The following VTI1A variants were observed in gnomAD, a reference collection of about 807,000 sequenced individuals.
VTI1A encodes vesicle transport through interaction with t-SNAREs 1A.
Under a neutral mutation model 34.9 loss-of-function variants are expected in VTI1A, and 22 were observed. That is an observed-to-expected ratio of 0.63 (90% CI 0.45 to 0.90). The LOEUF (loss-of-function observed/expected upper bound fraction) is 0.90. VTI1A is among the 40% of genes least tolerant of loss of function. The probability of loss-of-function intolerance (pLI) is 0.00; values close to 1 mark genes in which losing one functional copy is unlikely to be tolerated. For missense variants in VTI1A, 268 were observed against 275.6 expected (o/e 0.97, Z 0.20); for synonymous variants, 87 against 97.3 (o/e 0.89, Z 0.62).
At chr10:112,756,347 G>T (rs1046588131) in intron 7 of VTI1A, among the ~76,000 whole-genome samples, 2 of 152,152 alleles carry the variant, frequency 1.3e-5, no homozygotes, top group Non-Finnish European at 2.9e-5. Context: ...CTACCTAGTT[G>T]CCTCTCTCAG....
At chr10:112,801,628 G>A (rs561717556) in intron 7 of VTI1A, among the ~76,000 whole-genome samples, 25 of 152,228 alleles carry the variant, frequency 1.6e-4, no homozygotes, top group African/African-American at 2.6e-4. Flanking sequence ...TCTTTCTATA[G>A]TGTATCCCCT....
intron 7 of VTI1A, among the ~76,000 whole-genome samples, chr10:112,788,741 C>T (rs930060697): frequency 6.6e-5 from 10 of 151,922 alleles, no homozygotes; most frequent in Non-Finnish European, 1.5e-4. Context: ...TCTTTTTGTT[C>T]CTGTTTCTGC....
the VTI1A span, among the ~76,000 whole-genome samples, chr10:112,837,005 G>C: frequency 3.9e-5 from 6 of 152,240 alleles, no homozygotes; most frequent in African/African-American, 1.4e-4. Context: ...AATAGTGCAG[G>C]AGAAGGAGTC....
intron 3 of VTI1A, among the ~76,000 whole-genome samples, chr10:112,511,706 CCCT>C (rs1233559813): frequency 2.6e-5 from 4 of 152,076 alleles, no homozygotes; most frequent in Admixed American, 6.6e-5. Flanking sequence ...TCTTCATCCT[CCCT>C]CCTCCTCCTC....
chr10:112,758,045 T>G (rs1411969091), intron 7 of VTI1A, among the ~76,000 whole-genome samples: 1 of 152,220 alleles, frequency 6.6e-6, no homozygotes, highest in Non-Finnish European at 1.5e-5. Flanking sequence ...GTATTGTCAT[T>G]TATTTCAATC....
chr10:112,675,661 G>A (rs776983083), intron 7 of VTI1A, among the ~76,000 whole-genome samples: 52 of 152,028 alleles, frequency 3.4e-4, no homozygotes, highest in Non-Finnish European at 3.4e-4. Flanking sequence ...CCTTACCTCC[G>A]GAATTTGACA....
At chr10:112,684,042 C>CA (rs1451540918) in intron 7 of VTI1A, among the ~76,000 whole-genome samples, 247 of 98,940 alleles carry the variant, frequency 2.5e-3, no homozygotes, top group Middle Eastern at 6.0e-3. Flanking sequence ...GACTCCGTGT[C>CA]AAAAAAAAAA....
chr10:112,776,679 T>G (rs1381254772), intron 7 of VTI1A, among the ~76,000 whole-genome samples: 1 of 145,570 alleles, frequency 6.9e-6, no homozygotes, highest in Non-Finnish European at 1.5e-5. Flanking sequence ...CTGACTTAAT[T>G]TTTTTTTTTT....
In VTI1A at chr10:112,528,313, G is replaced by A. The variant is rs1007382113; in HGVS notation, c.342+1149G>A. On this transcript the variant is annotated intron_variant, in intron 4 of 7. Coordinates refer to ENST00000393077, the MANE Select transcript of VTI1A (RefSeq NM_145206.4). Reference sequence around the variant, plus strand: ...AATCTGTAACAGGGATGTTGTTTGTGTGATTAAGGACTCTACTCACCCACC... The same window carrying A: ...AATCTGTAACAGGGATGTTGTTTGTATGATTAAGGACTCTACTCACCCACC... Among the ~76,000 whole-genome samples the A allele has an allele frequency of 2.0e-5, 3 of 152,218 alleles. No homozygotes were observed. The South Asian group carries it at 6.2e-4, about 32-fold the overall frequency.
chr10:112,758,028 C>G (rs976703841), intron 7 of VTI1A, among the ~76,000 whole-genome samples: 1 of 152,112 alleles, frequency 6.6e-6, no homozygotes, highest in African/African-American at 2.4e-5. Flanking sequence ...AGCATCTTTG[C>G]ATGTAAGTAT....
chr10:112,619,270 A>G (rs1344873079), intron 5 of VTI1A, among the ~76,000 whole-genome samples: 1 of 152,146 alleles, frequency 6.6e-6, no homozygotes, highest in East Asian at 1.9e-4. Flanking sequence ...AGGGGGCTTA[A>G]TGGGAATAAA....
intron 7 of VTI1A, among the ~76,000 whole-genome samples, chr10:112,670,292 A>G (rs1847801736): frequency 6.6e-6 from 1 of 152,108 alleles, no homozygotes; most frequent in South Asian, 2.1e-4. Flanking sequence ...CTCCTGCTTT[A>G]TGTCAATTGA....
At chr10:112,839,116 G>T in the VTI1A span, among the ~76,000 whole-genome samples, 2 of 152,192 alleles carry the variant, frequency 1.3e-5, no homozygotes, top group Non-Finnish European at 2.9e-5. Context: ...CTGGAGCCTT[G>T]TCTCAAGAGC....
intron 7 of VTI1A, among the ~76,000 whole-genome samples, chr10:112,745,477 G>C (rs1364462554): frequency 2.0e-5 from 3 of 152,030 alleles, no homozygotes; most frequent in Non-Finnish European, 2.9e-5. Flanking sequence ...ATTACAGTAA[G>C]ACCTCTGAGC....
chr10:112,599,894 A>T (rs17260006), intron 5 of VTI1A, among the ~76,000 whole-genome samples: 21 of 152,126 alleles, frequency 1.4e-4, no homozygotes, highest in Admixed American at 4.6e-4. Flanking sequence ...GAGACTTTCT[A>T]TGCTCAAAAC....
intron 7 of VTI1A, among the ~76,000 whole-genome samples, chr10:112,791,243 A>C (rs762190864): frequency 1.3e-5 from 2 of 152,158 alleles, no homozygotes; most frequent in African/African-American, 2.4e-5. Flanking sequence ...TACAATATAG[A>C]TAGTATCAGG....
chr10:112,609,833 G>A (rs759300230), intron 5 of VTI1A, among the ~76,000 whole-genome samples: 7 of 152,078 alleles, frequency 4.6e-5, no homozygotes, highest in African/African-American at 9.7e-5. Context: ...AAATCCATGT[G>A]GAAAGGGGTT....
intron 3 of VTI1A, among the ~76,000 whole-genome samples, chr10:112,520,024 CATTT>C (rs1362857499): frequency 1.3e-5 from 2 of 151,952 alleles, no homozygotes; most frequent in African/African-American, 2.4e-5. Flanking sequence ...TATTGCAAAA[CATTT>C]ATTTATCAGA....
At chr10:112,690,371 C>T (rs996917730) in intron 7 of VTI1A, among the ~76,000 whole-genome samples, 2 of 152,184 alleles carry the variant, frequency 1.3e-5, no homozygotes, top group Admixed American at 6.5e-5. Context: ...ATTTTGCAGT[C>T]CCATAAACAT....
Sources: allele counts gnomAD v4.1 joint callset (sites outside exome capture counted in the v4.1 genomes callset), GRCh38; gene constraint gnomAD v4.1.1; transcripts MANE v1.5; gene names NCBI Gene and HGNC (gene_info 2026-07-23, HGNC 2026-07-21).